SDK1: variants seen among roughly 807,000 people sequenced by gnomAD.
The protein encoded by SDK1 is protein sidekick-1.
Under a neutral mutation model 245.5 loss-of-function variants are expected in SDK1, and 157 were observed. That is an observed-to-expected ratio of 0.64 (90% CI 0.56 to 0.73). SDK1 has a LOEUF of 0.73. Ranked by LOEUF, SDK1 falls within the 30% of genes least tolerant of loss-of-function variation. The pLI, the probability that SDK1 is intolerant of heterozygous loss-of-function variation, is 0.00. For synonymous variants in SDK1, 1,647 were observed against 1,278.5 expected (o/e 1.29, Z -6.15); for missense variants, 3,583 against 3,002.3 (o/e 1.19, Z -4.52).
intron 2 of SDK1, among the ~76,000 whole-genome samples, chr7:3,634,043 C>T (rs980849417): frequency 5.9e-5 from 9 of 152,166 alleles, no homozygotes; most frequent in African/African-American, 1.7e-4. Context: ...GCATCACCAA[C>T]CCCAGATTTA....
intron 5 of SDK1, among the ~76,000 whole-genome samples, chr7:3,874,518 G>A (rs1318300170): frequency 6.6e-6 from 1 of 152,130 alleles, no homozygotes; most frequent in East Asian, 1.9e-4. Flanking sequence ...GTCCTGACAA[G>A]TGTTCCTGCT....
intron 4 of SDK1, among the ~76,000 whole-genome samples, chr7:3,812,922 A>T (rs994051913): frequency 6.6e-6 from 1 of 152,168 alleles, no homozygotes; most frequent in African/African-American, 2.4e-5. Flanking sequence ...ATCACGAGAA[A>T]CAGGTTTCCC....
At chr7:4,080,589 C>T (rs990613312) in intron 22 of SDK1, among the ~76,000 whole-genome samples, 1 of 152,106 alleles carries the variant, frequency 6.6e-6, no homozygotes, top group Non-Finnish European at 1.5e-5. Context: ...TAAGGAGGAT[C>T]CTGAAGGCGC....
At chr7:4,246,194 G>A (rs1170280871) in intron 44 of SDK1, among the ~76,000 whole-genome samples, 1 of 152,220 alleles carries the variant, frequency 6.6e-6, no homozygotes, top group South Asian at 2.1e-4. Context: ...GTGAGAGATA[G>A]GCAAGGCTGG....
intron 35 of SDK1, among the ~76,000 whole-genome samples, chr7:4,185,651 T>A (rs1782845227): frequency 6.6e-6 from 1 of 152,214 alleles, no homozygotes; most frequent in Non-Finnish European, 1.5e-5. Flanking sequence ...ATTAGCTGTT[T>A]CTTCCTCTGC....
chr7:3,376,194 C>A (rs1184634953), intron 1 of SDK1, among the ~76,000 whole-genome samples: 2 of 151,856 alleles, frequency 1.3e-5, no homozygotes, highest in Non-Finnish European at 2.9e-5. Context: ...GAGACCCTGC[C>A]TTGGGGGAAA....
At chr7:3,786,501 GA>G (rs1020722420) in intron 4 of SDK1, among the ~76,000 whole-genome samples, 7 of 152,188 alleles carry the variant, frequency 4.6e-5, no homozygotes, top group Non-Finnish European at 8.8e-5. Flanking sequence ...TAATGAGAGA[GA>G]AGGTTATAGT....
At chr7:3,770,082 C>T (rs1055389731) in intron 4 of SDK1, among the ~76,000 whole-genome samples, 3 of 151,770 alleles carry the variant, frequency 2.0e-5, no homozygotes, top group African/African-American at 4.8e-5. Flanking sequence ...GAGACAGGGC[C>T]GAAAGTGGTG....
intron 1 of SDK1, among the ~76,000 whole-genome samples, chr7:3,583,625 T>C (rs1156487100): frequency 6.6e-6 from 1 of 152,050 alleles, no homozygotes; most frequent in South Asian, 2.1e-4. Flanking sequence ...ATGAATAACA[T>C]ATCAGTCTCT....
At chr7:4,014,546 A>G (rs1307330435) in intron 16 of SDK1, among the ~76,000 whole-genome samples, 1 of 152,230 alleles carries the variant, frequency 6.6e-6, no homozygotes, top group African/African-American at 2.4e-5. Context: ...TCCAGGGCAC[A>G]GTCTCTGTGT....
At chr7:3,441,126 A>G (rs975846759) in intron 1 of SDK1, among the ~76,000 whole-genome samples, 3 of 152,214 alleles carry the variant, frequency 2.0e-5, no homozygotes, top group African/African-American at 7.2e-5. Flanking sequence ...TAGTACAGTG[A>G]AATATTTTGA....
At chr7:3,580,555 A>G (rs544581875) in intron 1 of SDK1, among the ~76,000 whole-genome samples, 1 of 152,204 alleles carries the variant, frequency 6.6e-6, no homozygotes, top group African/African-American at 2.4e-5. Flanking sequence ...AGGATTCCCT[A>G]TTCAATAAAT....
At chr7:3,787,210 A>G (rs1019930995) in intron 4 of SDK1, among the ~76,000 whole-genome samples, 3 of 151,074 alleles carry the variant, frequency 2.0e-5, no homozygotes, top group Admixed American at 6.6e-5. Flanking sequence ...AACTTTTCTC[A>G]GTGGACTATT....
At chr7:3,881,842 A>T (rs1330332212) in intron 5 of SDK1, among the ~76,000 whole-genome samples, 1 of 152,202 alleles carries the variant, frequency 6.6e-6, no homozygotes, top group South Asian at 2.1e-4. Flanking sequence ...CAAGTGGTTC[A>T]TGGTACAGCT....
At chr7:3,353,223 A>G (rs570618822) in intron 1 of SDK1, among the ~76,000 whole-genome samples, 4 of 152,272 alleles carry the variant, frequency 2.6e-5, no homozygotes, top group South Asian at 2.1e-4. Context: ...AGTAGATTAT[A>G]TCCCTTTTTA....
chr7:4,013,459 AAGTG>A (rs771168067), intron 16 of SDK1, among the ~76,000 whole-genome samples: 6 of 152,206 alleles, frequency 3.9e-5, no homozygotes, highest in Non-Finnish European at 8.8e-5. Flanking sequence ...GGCTCGTTCC[AAGTG>A]TGTGATCAGT....
chr7:3,692,538 ATTTG>A (rs1186371426), intron 4 of SDK1, among the ~76,000 whole-genome samples: 2 of 152,152 alleles, frequency 1.3e-5, no homozygotes, highest in African/African-American at 4.8e-5. Context: ...AGCATAAATT[ATTTG>A]TTTATTTGGG....
chr7:3,324,305 CAA>C (rs1410263874), intron 1 of SDK1, among the ~76,000 whole-genome samples: 1 of 152,208 alleles, frequency 6.6e-6, no homozygotes, highest in South Asian at 2.1e-4. Context: ...TAAATTTTCA[CAA>C]AGAGACATGC....
intron 1 of SDK1, among the ~76,000 whole-genome samples, chr7:3,577,996 A>C (rs1306997454): frequency 6.6e-6 from 1 of 152,006 alleles, no homozygotes; most frequent in Non-Finnish European, 1.5e-5. Context: ...TTTCCACTCA[A>C]CTTACAGTGA....
Sources: allele counts gnomAD v4.1 joint callset (sites outside exome capture counted in the v4.1 genomes callset), GRCh38; gene constraint gnomAD v4.1.1; transcripts MANE v1.5; gene names NCBI Gene and HGNC (gene_info 2026-07-23, HGNC 2026-07-21).